The following SCUBE3 variants were observed in gnomAD, a reference collection of about 807,000 sequenced individuals.
SCUBE3 encodes the protein signal peptide, CUB domain and EGF like domain containing 3.
A neutral mutation model predicts 116.8 loss-of-function variants in SCUBE3; 33 were observed. The ratio of observed to expected loss-of-function variants is 0.28; its 90% CI spans 0.21 to 0.38. The LOEUF is 0.38. Ranked by LOEUF, SCUBE3 falls within the 10% of genes least tolerant of loss-of-function variation. SCUBE3 has a pLI of 1.00. For missense variants in SCUBE3, 1,007 were observed against 1,324.8 expected, an observed-to-expected ratio of 0.76 and a Z score of 3.72; for synonymous variants, 418 against 496.9, an observed-to-expected ratio of 0.84 and a Z score of 2.11.
At chr6:35,223,522 ATAG>A (rs1327493879) in intron 1 of SCUBE3, 3 of 152,210 alleles carry the variant, frequency 2.0e-5, no homozygotes, top group African/African-American at 4.8e-5. Flanking sequence ...AGGAAGACAG[ATAG>A]TAGCCACAGC....
rs897444619 is a variant in SCUBE3, at chr6:35,249,147, T to C, written c.*442T>C. The C allele has an allele frequency of 6.2e-6, 1 of 161,738 alleles. No homozygotes were observed. The highest frequency in any genetic ancestry group is 1.4e-5 in the Non-Finnish European group (1 of 73,618). The allele number at this position is 161,738 out of a possible 1,614,324, so 10.0% of individuals were successfully genotyped here. Reference sequence around the variant, plus strand: ...GCCTTGCTAGTCAGGGGCCAAAATGTCCCCTGGCTCTGCTCCCTAGGGTGA... The same window carrying C: ...GCCTTGCTAGTCAGGGGCCAAAATGCCCCCTGGCTCTGCTCCCTAGGGTGA... On this transcript the variant is annotated 3_prime_UTR_variant, in exon 22 of 22. Coordinates refer to ENST00000274938, the MANE Select transcript of SCUBE3 (RefSeq NM_152753.4).
chr6:35,232,913 G>A lies in SCUBE3; in HGVS notation c.533G>A (p.Gly178Glu), dbSNP rs149626853. 2.5e-5 allele frequency: 41 copies of A among 1,614,168 alleles called. No homozygotes were observed. The highest frequency in any genetic ancestry group is 2.2e-4 in the Admixed American group (13 of 60,032). Residue 178 changes from glycine to glutamate, a missense_variant, in exon 5 of 22, where the codon GGG (glycine) becomes GAG (glutamate). Physicochemically the swap from Gly to Glu is moderately conservative, Grantham distance 98. Transcript: ENST00000274938. The surrounding 1 kb of genome is among the most constrained non-coding windows in gnomAD (Gnocchi z 4.2). ...CACATTTGCCGGGAGACACCCAAGG[G>A]GGGTATTGCCTGTGAATGCCGTCCT... Reference protein sequence around the residue: ...CAHICRETPKGGIACECRPGF... With the variant: ...CAHICRETPKEGIACECRPGF...
At chr6:35,226,719 C>A (rs142081874) in intron 1 of SCUBE3, among the ~76,000 whole-genome samples, 2 of 152,182 alleles carry the variant, frequency 1.3e-5, no homozygotes, top group Non-Finnish European at 2.9e-5. Flanking sequence ...ACCTCATGAT[C>A]CACCTGCCTT....
Position 35,243,478 on chromosome 6 carries a change from C to A in SCUBE3, c.1910-116C>A. On this transcript the variant is annotated intron_variant, in intron 15 of 21. Coordinates refer to ENST00000274938, the MANE Select transcript of SCUBE3 (RefSeq NM_152753.4). This position sits in a 1 kb window ranked among gnomAD's most constrained non-coding sequence, Gnocchi z 6.6. ...CCCCCAAGTAGGATTGTGTTTGTTC[C>A]CTGACAGAGATTCTCCCTGAATCGG... 1 of 1,075,566 alleles carries A rather than the reference C, an allele frequency of 9.3e-7. No homozygotes were observed. The highest frequency in any genetic ancestry group is 1.3e-6 in the Non-Finnish European group (1 of 745,582). The allele number at this position is 1,075,566 out of a possible 1,614,324, so 66.6% of individuals were successfully genotyped here. A position where few individuals can be genotyped will look rare whatever the true frequency, so the allele number is the denominator to read the frequency against.
Position 35,235,381 on chromosome 6 carries a change from C to CG in SCUBE3, c.712+2084dup. The CG allele has an allele frequency of 1.2e-6, 1 of 820,486 alleles. No homozygotes were observed. The highest frequency in any genetic ancestry group is 2.3e-5 in the Admixed American group (1 of 42,870). 50.8% of individuals were successfully genotyped at this position (820,486 alleles called of 1,614,324 possible). ...GGGGAGGAGAGGGTGGGGAGGGGTC[C>CG]GGGGCCAGAGGGCCACAGTGGCTTC... On this transcript the variant is annotated intron_variant, in intron 6 of 21. Coordinates refer to ENST00000274938, the MANE Select transcript of SCUBE3 (RefSeq NM_152753.4). The surrounding 1 kb of genome is among the most constrained non-coding windows in gnomAD (Gnocchi z 4.5).
chr6:35,241,985 C>A lies in SCUBE3; in HGVS notation c.1417+75C>A, dbSNP rs1052415925. 2 of 1,105,732 alleles carry A rather than the reference C, an allele frequency of 1.8e-6. No individual in the cohort carries two copies. Among genetic ancestry groups the A allele is most frequent in the South Asian group, 2.5e-5 (2 of 80,882 alleles). The allele number at this position is 1,105,732 out of a possible 1,614,324, so 68.5% of individuals were successfully genotyped here. A position where few individuals can be genotyped will look rare whatever the true frequency, so the allele number is the denominator to read the frequency against. On this transcript the variant is annotated intron_variant, in intron 12 of 21. Transcript: ENST00000274938. This position sits in a 1 kb window ranked among gnomAD's most constrained non-coding sequence, Gnocchi z 4.1. ...TCCCTTATTTTTGTTCTTCATCAAT[C>A]CCCTGGCCTTCCTTTCTCCTGGATC...
At position 35,243,763 on chromosome 6, in the gene SCUBE3, G is replaced by A; in HGVS notation, c.2071+8G>A. ...ACGTCACCACGTGTGCAGGTGCCAG[G>A]GGAACAAACAATACAGAGTGGGGTA... is the stretch of plus-strand genomic sequence containing the variant. On this transcript the variant is annotated splice_region_variant and intron_variant, in intron 16 of 21. Transcript: ENST00000274938. This position sits in a 1 kb window ranked among gnomAD's most constrained non-coding sequence, Gnocchi z 6.6. The A allele has an allele frequency of 6.2e-7, 1 of 1,613,498 alleles. No individual in the cohort carries two copies. Among genetic ancestry groups the A allele is most frequent in the Non-Finnish European group, 8.5e-7 (1 of 1,179,542 alleles).
chr6:35,244,870 C>A lies in SCUBE3; in HGVS notation c.2401+59C>A. ...AGAGAGGCCTGGGAGCAGTGGACAT[C>A]TAAAGGAGGGGTGTGAAACCAACAG... On this transcript the variant is annotated intron_variant, in intron 18 of 21. Transcript: ENST00000274938. The surrounding 1 kb of genome is among the most constrained non-coding windows in gnomAD (Gnocchi z 4.3). 5 of 1,552,564 alleles carry A rather than the reference C, an allele frequency of 3.2e-6. No homozygotes were observed. Among genetic ancestry groups the A allele is most frequent in the Admixed American group, 1.7e-5 (1 of 59,158 alleles).
rs1784257616 is a variant in SCUBE3, at chr6:35,244,774, A to G, written c.2364A>G (p.Thr788=). The G allele has an allele frequency of 6.2e-7, 1 of 1,614,144 alleles. No individual in the cohort carries two copies. The highest frequency in any genetic ancestry group is 1.3e-5 in the African/African-American group (1 of 74,950). The change falls in exon 18 of 22, where the codon ACA becomes ACG. Residue 788 remains threonine (T), a synonymous_variant. Transcript: ENST00000274938. The surrounding 1 kb of genome is among the most constrained non-coding windows in gnomAD (Gnocchi z 4.3). ...FCSRCPGNTS[T]DFDGSTSVAQ... The stretch of plus-strand genomic sequence containing the variant: ...GCCGCTGTCCAGGAAACACAAGCAC[A>G]GACTTTGATGGCTCTACCAGTGTGG...
At position 35,248,895 on chromosome 6, in the gene SCUBE3, C is replaced by A; in HGVS notation, c.*190C>A. 1 of 596,906 alleles carries A rather than the reference C, an allele frequency of 1.7e-6. No individual in the cohort carries two copies. Among genetic ancestry groups the A allele is most frequent in the East Asian group, 2.8e-5 (1 of 35,772 alleles). The allele number at this position is 596,906 out of a possible 1,614,324, so 37.0% of individuals were successfully genotyped here. A position where few individuals can be genotyped will look rare whatever the true frequency, so the allele number is the denominator to read the frequency against. The stretch of plus-strand genomic sequence containing the variant: ...TCCTTTCCTTGTCTCTCTCTGCCTG[C>A]CTCTCTACTGTTCCCCCTTTTCTAA... On this transcript the variant is annotated 3_prime_UTR_variant, in exon 22 of 22. Transcript: ENST00000274938.
rs752330743 is a variant in SCUBE3, at chr6:35,243,154, C to T, written c.1827C>T (p.His609=). 9.9e-6 allele frequency: 16 copies of T among 1,614,094 alleles called. No individual in the cohort carries two copies. In the East Asian group the frequency reaches 3.6e-4, roughly 36 times the overall value. Reference sequence around the variant, plus strand: ...CAGGCCTTGATTATGAGCTGGCCCACAAGCCGGGCCTGGTAGCCGGGGAGC... The same window carrying T: ...CAGGCCTTGATTATGAGCTGGCCCATAAGCCGGGCCTGGTAGCCGGGGAGC... ...RLAGLDYELA[H]KPGLVAGERA... is the part of the protein sequence containing the mutation. The change falls in exon 15 of 22, where the codon CAC becomes CAT. Residue 609 remains histidine, a synonymous_variant. Coordinates refer to ENST00000274938, the MANE Select transcript of SCUBE3 (RefSeq NM_152753.4). The surrounding 1 kb of genome is among the most constrained non-coding windows in gnomAD (Gnocchi z 6.6).
In SCUBE3 at chr6:35,250,821, A is replaced by C; in HGVS notation, c.*2116A>C. 6.6e-6 allele frequency: 1 copy of C among 152,032 alleles called. No individual in the cohort carries two copies. The highest frequency in any genetic ancestry group is 2.4e-5 in the African/African-American group (1 of 41,358). The allele number at this position is 152,032 out of a possible 1,614,324, so 9.4% of individuals were successfully genotyped here. On this transcript the variant is annotated 3_prime_UTR_variant, in exon 22 of 22. Transcript: ENST00000274938. ...TGCTCCCCCAGGAGACTCAACACTA[A>C]ATAAAGGAGTCTGACTCCCTGCCCT...
rs1784322738 is a variant in SCUBE3 at position 35,246,029 on chromosome 6, G to A, written c.2685G>A (p.Trp895Ter). 2 of 1,614,160 alleles carry A rather than the reference G, an allele frequency of 1.2e-6. No individual in the cohort carries two copies. Among genetic ancestry groups the A allele is most frequent in the Non-Finnish European group, 1.7e-6 (2 of 1,180,024 alleles). ...IAFTARSRKL[W>*]INFKTSEANS... is the part of the protein sequence containing the mutation. ...TCACTGCCCGTTCCAGGAAGCTCTG[G>A]ATCAACTTCAAGACAAGCGAGGCCA... The change falls in exon 20 of 22, where the codon TGG becomes TGA. Residue 895 changes from tryptophan to a stop codon, truncating the protein, a stop_gained. Transcript: ENST00000274938. LOFTEE classifies it high-confidence loss of function.
In SCUBE3 at chr6:35,246,247, C is replaced by T. The variant is rs772700902; in HGVS notation, c.2794C>T (p.Arg932Trp). The T allele has an allele frequency of 3.1e-6, 5 of 1,613,908 alleles. No individual in the cohort carries two copies. The highest frequency in any genetic ancestry group is 3.4e-6 in the Non-Finnish European group (4 of 1,179,892). Reference sequence around the variant, plus strand: ...GGTAGAAGACATTGTGCGAGATGGCCGGCTCTATGCCTCTGAAAACCACCA... The same window carrying T: ...GGTAGAAGACATTGTGCGAGATGGCTGGCTCTATGCCTCTGAAAACCACCA... ...QLVEDIVRDG[R>W]LYASENHQEI... Residue 932 changes from arginine to tryptophan, a missense_variant, in exon 21 of 22, where the codon CGG becomes TGG. Physicochemically the swap from Arg to Trp is moderately radical, Grantham distance 101 (BLOSUM62 -3). Coordinates refer to ENST00000274938, the MANE Select transcript of SCUBE3 (RefSeq NM_152753.4).
Position 35,246,267 on chromosome 6 carries a change from C to G in SCUBE3, c.2814C>G (p.Asn938Lys). The change falls in exon 21 of 22, where the codon AAC (asparagine) becomes AAG (lysine). Residue 938 changes from asparagine (N) to lysine (K), a missense_variant. Around this residue, in one of 5 missense-constraint regions of SCUBE3, gnomAD observed 118 missense variants for 196.6 expected, o/e 0.60. Coordinates refer to ENST00000274938, the MANE Select transcript of SCUBE3 (RefSeq NM_152753.4). ...ATGGCCGGCTCTATGCCTCTGAAAA[C>G]CACCAGGAGATTTTAAAGGTGAATG... ...VRDGRLYASENHQEILKDKKL... is the reference protein window; with the variant it reads ...VRDGRLYASEKHQEILKDKKL... 1 of 1,612,644 alleles carries G rather than the reference C, an allele frequency of 6.2e-7. No individual in the cohort carries two copies. The highest frequency in any genetic ancestry group is 8.5e-7 in the Non-Finnish European group (1 of 1,178,640).
chr6:35,247,163 G>C (rs1291162487), intron 21 of SCUBE3, among the ~76,000 whole-genome samples: 1 of 152,034 alleles, frequency 6.6e-6, no homozygotes, highest in Non-Finnish European at 1.5e-5. Flanking sequence ...GGCTGCGCAT[G>C]GTGGATCATG....
chr6:35,227,778 A>C, intron 2 of SCUBE3, 76 bp downstream of exon 2: 1 of 1,458,406 alleles, frequency 6.9e-7, no homozygotes. Flanking sequence ...TCAGTTGGCC[A>C]CTCTCCATCA....
Position 35,244,053 on chromosome 6 carries a change from C to A in SCUBE3, c.2162C>A (p.Thr721Asn), listed in dbSNP as rs764732033. 9 of 1,614,092 alleles carry A rather than the reference C, an allele frequency of 5.6e-6. No individual in the cohort carries two copies. In the South Asian group the frequency reaches 8.8e-5, roughly 16 times the overall value. ...RGTYQPEAGR[T>N]LCFPCGGGLT... ...ACCTACCAACCTGAAGCAGGACGGA[C>A]CCTATGCTTCCCTTGTGGTGGGGGC... Residue 721 changes from threonine to asparagine, a missense_variant, in exon 17 of 22, where the codon ACC (threonine) becomes AAC (asparagine). Physicochemically the swap from Thr to Asn is moderately conservative, Grantham distance 65 (BLOSUM62 0). This residue lies in a region of SCUBE3 where 544 missense variants were observed against 638.9 expected (regional missense o/e 0.85). Coordinates refer to ENST00000274938, the MANE Select transcript of SCUBE3 (RefSeq NM_152753.4). This position sits in a 1 kb window ranked among gnomAD's most constrained non-coding sequence, Gnocchi z 4.3.
rs1193724617 is a variant in SCUBE3 at position 35,239,186 on chromosome 6, C to A, written c.830-566C>A. 2.0e-5 allele frequency among the ~76,000 whole-genome samples: 3 copies of A among 152,134 alleles called. No individual in the cohort carries two copies. Among genetic ancestry groups the A allele is most frequent in the Non-Finnish European group, 4.4e-5 (3 of 68,012 alleles). ...CCTTGCCTGGCCCCCAGCCCTCCCC[C>A]ATCAGCTACCCAGCCTCACTGGCTC... On this transcript the variant is annotated intron_variant, in intron 7 of 21. Transcript: ENST00000274938. The surrounding 1 kb of genome is among the most constrained non-coding windows in gnomAD (Gnocchi z 4.1).
Sources: allele counts gnomAD v4.1 joint callset (sites outside exome capture counted in the v4.1 genomes callset), GRCh38; gene constraint gnomAD v4.1.1; regional missense constraint gnomAD v4.1.1; non-coding constraint Gnocchi (gnomAD v3.1); transcripts MANE v1.5; gene names NCBI Gene and HGNC (gene_info 2026-07-23, HGNC 2026-07-21).